The following CXADR variants were observed in gnomAD, a reference collection of about 807,000 sequenced individuals.
CXADR encodes coxsackievirus and adenovirus receptor.
CXADR carries 20 observed loss-of-function variants against 40.3 expected under a neutral mutation model. The observed-to-expected ratio is 0.50, with a 90% CI of 0.35 to 0.72. The LOEUF is 0.72. Among genes scored for constraint, CXADR ranks in the 30% least tolerant of loss-of-function variants. The probability of loss-of-function intolerance (pLI) is 0.01; values close to 1 mark genes in which losing one functional copy is unlikely to be tolerated. For missense variants in CXADR, 332 were observed against 449.1 expected, an observed-to-expected ratio of 0.74 and a Z score of 2.36; for synonymous variants, 150 against 161.3, an observed-to-expected ratio of 0.93 and a Z score of 0.53.
chr21:17,610,404 T>G, the CXADR span, among the ~76,000 whole-genome samples: 4 of 152,204 alleles, frequency 2.6e-5, no homozygotes, highest in Non-Finnish European at 4.4e-5. Context: ...GGAAGAGAGA[T>G]ACATTTATCC....
chr21:17,523,365 T>C (rs1180515345), intron 1 of CXADR, among the ~76,000 whole-genome samples: 1 of 152,168 alleles, frequency 6.6e-6, no homozygotes, highest in Non-Finnish European at 1.5e-5. Flanking sequence ...CATTTGAAGA[T>C]CAAGAATAGG....
chr21:17,620,279 A>C, the CXADR span, among the ~76,000 whole-genome samples: 1 of 152,210 alleles, frequency 6.6e-6, no homozygotes, highest in South Asian at 2.1e-4. Context: ...AGGGTTATTA[A>C]TTGGCCTAAT....
At chr21:17,608,866 G>T in the CXADR span, 2 of 1,057,618 alleles carry the variant, frequency 1.9e-6, no homozygotes, top group Non-Finnish European at 2.7e-6. Context: ...TCTATATTTT[G>T]CAGATGAAAC....
At chr21:17,604,148 AT>A in the CXADR span, 7 of 1,282,570 alleles carry the variant, frequency 5.5e-6, no homozygotes, top group African/African-American at 6.3e-5. Context: ...CACTTACATA[AT>A]CAAAAAGGAG....
At chr21:17,532,736 T>C (rs1161029266) in intron 1 of CXADR, among the ~76,000 whole-genome samples, 1 of 152,210 alleles carries the variant, frequency 6.6e-6, no homozygotes, top group East Asian at 1.9e-4. Context: ...AATTGCCTAC[T>C]AGCTACTATT....
intron 6 of CXADR, among the ~76,000 whole-genome samples, chr21:17,563,745 T>C (rs889128154): frequency 6.6e-6 from 1 of 150,944 alleles, no homozygotes; most frequent in Non-Finnish European, 1.5e-5. Flanking sequence ...ATAGAGACCA[T>C]CCTGGCTAAC....
chr21:17,546,090 A>G lies in CXADR; in HGVS notation c.44-937A>G, dbSNP rs1174650214. Among the ~76,000 whole-genome samples the G allele has an allele frequency of 3.3e-5, 5 of 152,142 alleles. No individual in the cohort carries two copies. In the East Asian group the frequency reaches 9.6e-4, roughly 29 times the overall value. ...CACCGTGCCTGGCTGTACATTTTTA[A>G]AAGATAAGTAAATTGACAGTGTTCC... On this transcript the variant is annotated intron_variant, in intron 1 of 6. Transcript: ENST00000284878.
chr21:17,558,444 C>G (rs1050267324), intron 3 of CXADR, among the ~76,000 whole-genome samples: 3 of 152,082 alleles, frequency 2.0e-5, no homozygotes, highest in Non-Finnish European at 4.4e-5. Context: ...TTGTAGCCTG[C>G]TCTTTGGATG....
the CXADR span, chr21:17,599,147 A>G: frequency 5.8e-3 from 1,369 of 236,588 alleles, 24 homozygotes; most frequent in African/African-American, 0.029. Context: ...GTATGTACCA[A>G]TGAAATTGGT....
At chr21:17,557,132 CT>C (rs543854690) in intron 3 of CXADR, among the ~76,000 whole-genome samples, 22 of 152,098 alleles carry the variant, frequency 1.4e-4, no homozygotes, top group African/African-American at 5.3e-4. Flanking sequence ...TCAGCTTAAA[CT>C]AAAAAAGAAA....
At chr21:17,533,694 T>A (rs1460083732) in intron 1 of CXADR, among the ~76,000 whole-genome samples, 1 of 152,102 alleles carries the variant, frequency 6.6e-6, no homozygotes, top group Non-Finnish European at 1.5e-5. Flanking sequence ...AGTAACTGTT[T>A]AGTTGCTGTT....
chr21:17,568,210 G>A lies in CXADR; in HGVS notation c.*2518G>A. ...GTGGCGGGATCTCGGCTCACTGCAAGCTCCGCCTCCCAGGTTCACGCCATT... is the reference window on the plus strand; with the variant it reads ...GTGGCGGGATCTCGGCTCACTGCAAACTCCGCCTCCCAGGTTCACGCCATT... On this transcript the variant is annotated 3_prime_UTR_variant, in exon 7 of 7. Transcript: ENST00000284878. 3 of 930,036 alleles carry A rather than the reference G, an allele frequency of 3.2e-6. No individual in the cohort carries two copies. In the South Asian group the frequency reaches 1.5e-4, roughly 46 times the overall value. 57.6% of individuals were successfully genotyped at this position (930,036 alleles called of 1,614,324 possible).
intron 7 of CXADR, among the ~76,000 whole-genome samples, chr21:17,591,484 ATTATC>A (rs938855648): frequency 2.0e-5 from 3 of 152,138 alleles, no homozygotes; most frequent in East Asian, 3.9e-4. Context: ...TAAATGCTTT[ATTATC>A]TTAACTTGGA....
the CXADR span, among the ~76,000 whole-genome samples, chr21:17,616,557 G>A: frequency 2.0e-5 from 3 of 151,880 alleles, no homozygotes; most frequent in African/African-American, 4.8e-5. Flanking sequence ...GGATGGTCTC[G>A]ATCTCCTGAC....
At chr21:17,515,580 G>A (rs1484003536) in intron 1 of CXADR, among the ~76,000 whole-genome samples, 1 of 152,232 alleles carries the variant, frequency 6.6e-6, no homozygotes, top group South Asian at 2.1e-4. Context: ...GGGAGGCCGA[G>A]GCGGGCAGAT....
chr21:17,536,890 G>A (rs1179042241), intron 1 of CXADR, among the ~76,000 whole-genome samples: 1 of 151,918 alleles, frequency 6.6e-6, no homozygotes, highest in Non-Finnish European at 1.5e-5. Flanking sequence ...CCAAGTAACT[G>A]GGACTACAGG....
intron 1 of CXADR, among the ~76,000 whole-genome samples, chr21:17,542,295 A>C (rs1011966968): frequency 1.3e-5 from 2 of 152,224 alleles, no homozygotes; most frequent in Non-Finnish European, 2.9e-5. Context: ...AAATTTGAAA[A>C]AACAAGTGAA....
intron 7 of CXADR, among the ~76,000 whole-genome samples, chr21:17,577,331 T>G (rs2061328885): frequency 6.6e-6 from 1 of 152,204 alleles, no homozygotes; most frequent in Admixed American, 6.5e-5. Flanking sequence ...CTACTTAATA[T>G]TATTGTATCC....
chr21:17,596,954 T>C (rs1191706932), downstream of CXADR, among the ~76,000 whole-genome samples: 2 of 152,078 alleles, frequency 1.3e-5, no homozygotes, highest in African/African-American at 4.8e-5. Flanking sequence ...TTGTCCTTAT[T>C]TGATAAAACT....
Sources: gnomAD v4.1 joint callset for allele counts (sites outside exome capture counted in the v4.1 genomes callset) on GRCh38, gnomAD v4.1.1 for gene constraint, MANE v1.5 for transcripts, NCBI Gene and HGNC (gene_info 2026-07-23, HGNC 2026-07-21) for gene names.